Variants in SLC8A1 observed in about 807,000 individuals in gnomAD.
The protein encoded by SLC8A1 is solute carrier family 8 member A1, also known as sodium/calcium exchanger 1.
In SLC8A1, 18 loss-of-function variants were observed where a neutral mutation model predicts 68.3. The ratio of observed to expected loss-of-function variants is 0.26; its 90% CI spans 0.18 to 0.39. SLC8A1 has a LOEUF of 0.39. Ranked by LOEUF, SLC8A1 falls within the 10% of genes least tolerant of loss-of-function variation. The pLI, the probability that SLC8A1 is intolerant of heterozygous loss-of-function variation, is 1.00. For synonymous variants in SLC8A1, 475 were observed against 415.5 expected, an observed-to-expected ratio of 1.14 and a Z score of -1.74; for missense variants, 985 against 1,156.7, an observed-to-expected ratio of 0.85 and a Z score of 2.15.
At chr2:40,384,217 A>G (rs1477882701) in intron 2 of SLC8A1, among the ~76,000 whole-genome samples, 1 of 152,112 alleles carries the variant, frequency 6.6e-6, no homozygotes, top group African/African-American at 2.4e-5. Context: ...AGAATGTGCC[A>G]CTGCACTTTA....
At chr2:40,411,639 C>T (rs1236889321) in intron 2 of SLC8A1, among the ~76,000 whole-genome samples, 6 of 151,574 alleles carry the variant, frequency 4.0e-5, no homozygotes, top group South Asian at 2.1e-4. Flanking sequence ...ACAATAGGGG[C>T]CTCATTAAAT....
intron 2 of SLC8A1, among the ~76,000 whole-genome samples, chr2:40,232,725 T>C (rs1161196963): frequency 8.2e-5 from 9 of 110,186 alleles, no homozygotes; most frequent in Non-Finnish European, 1.7e-4. Context: ...GCATTAGGTA[T>C]ATCTCCCAGT....
intron 2 of SLC8A1, among the ~76,000 whole-genome samples, chr2:40,343,517 G>A (rs1416194881): frequency 6.6e-6 from 1 of 152,168 alleles, no homozygotes; most frequent in Non-Finnish European, 1.5e-5. Flanking sequence ...TCACTTAAAA[G>A]TGCCAACCTA....
intron 2 of SLC8A1, among the ~76,000 whole-genome samples, chr2:40,257,562 A>T (rs2064118393): frequency 6.6e-6 from 1 of 152,132 alleles, no homozygotes; most frequent in African/African-American, 2.4e-5. Context: ...TATATCCAAG[A>T]GCGTATCAGA....
At position 40,334,120 on chromosome 2, in the gene SLC8A1, A is replaced by G. The variant is rs866516730; in HGVS notation, c.1808+94353T>C. Among the ~76,000 whole-genome samples, 8 of 152,218 alleles carry G rather than the reference A, an allele frequency of 5.3e-5. No homozygotes were observed. In the South Asian group the frequency reaches 1.7e-3, roughly 32 times the overall value. On this transcript the variant is annotated intron_variant, in intron 2 of 7. Coordinates refer to ENST00000406785, the Ensembl canonical transcript of SLC8A1. ...TCCATTTTGTTGCAACATCATCAAC[A>G]TATCTATAGAAACATAAGTGTTAGA... is the stretch of plus-strand genomic sequence containing the variant.
chr2:40,132,432 C>T (rs1008146396), intron 7 of SLC8A1, among the ~76,000 whole-genome samples: 3 of 150,890 alleles, frequency 2.0e-5, no homozygotes, highest in Non-Finnish European at 4.4e-5. Context: ...CATATTGTAC[C>T]CTATACAGCT....
Position 40,432,414 on chromosome 2 carries a change from T to G in SLC8A1, c.-24-2110A>C, listed in dbSNP as rs1048163045. Among the ~76,000 whole-genome samples, 3 of 144,510 alleles carry G rather than the reference T, an allele frequency of 2.1e-5. No homozygotes were observed. The South Asian group carries it at 6.9e-4, about 33-fold the overall frequency. The allele number at this position is 144,510 out of a possible 152,430, so 94.8% of individuals were successfully genotyped here. A position where few individuals can be genotyped will look rare whatever the true frequency, so the allele number is the denominator to read the frequency against. ...GAGAGTGTGAGATTGTGTGTGTGTG[T>G]GTGTGTGTGTATGTGTCAGTGTGTA... On this transcript the variant is annotated intron_variant, in intron 1 of 7. Coordinates refer to ENST00000406785, the Ensembl canonical transcript of SLC8A1.
intron 2 of SLC8A1, among the ~76,000 whole-genome samples, chr2:40,268,779 G>A (rs1295273992): frequency 1.3e-5 from 2 of 151,990 alleles, no homozygotes; most frequent in Non-Finnish European, 2.9e-5. Flanking sequence ...AACTAAGAGA[G>A]GTCAGAGAAA....
chr2:40,166,217 C>T (rs1287682791), intron 4 of SLC8A1, among the ~76,000 whole-genome samples: 1 of 152,170 alleles, frequency 6.6e-6, no homozygotes, highest in Non-Finnish European at 1.5e-5. Context: ...TATGGTGGCT[C>T]CATTGTTGCT....
chr2:40,238,482 C>G (rs2060747166), intron 2 of SLC8A1, among the ~76,000 whole-genome samples: 1 of 152,092 alleles, frequency 6.6e-6, no homozygotes, highest in Admixed American at 6.6e-5. Context: ...GTGCGCGCAC[C>G]CACTGACCTG....
chr2:40,124,791 C>T (rs2037704603), intron 7 of SLC8A1, among the ~76,000 whole-genome samples: 1 of 152,220 alleles, frequency 6.6e-6, no homozygotes, highest in South Asian at 2.1e-4. Context: ...CTTCATATAA[C>T]ATGATACTGT....
chr2:40,147,503 T>C (rs1487886218), intron 6 of SLC8A1, among the ~76,000 whole-genome samples: 5 of 152,066 alleles, frequency 3.3e-5, no homozygotes, highest in Admixed American at 3.3e-4. Flanking sequence ...TGTAGATACC[T>C]CCTGCTAGTG....
chr2:40,491,362 T>C (rs1192322634), intron 1 of SLC8A1, among the ~76,000 whole-genome samples: 2 of 152,264 alleles, frequency 1.3e-5, no homozygotes, highest in East Asian at 3.9e-4. Context: ...TGAAGTTGCT[T>C]ATCAGCTTAA....
chr2:40,423,013 A>G (rs1695929868), intron 2 of SLC8A1, among the ~76,000 whole-genome samples: 1 of 152,160 alleles, frequency 6.6e-6, no homozygotes. Flanking sequence ...TAATACCATT[A>G]GTCTTCCAAA....
intron 2 of SLC8A1, among the ~76,000 whole-genome samples, chr2:40,225,531 G>T (rs1196507038): frequency 6.6e-6 from 1 of 152,086 alleles, no homozygotes; most frequent in African/African-American, 2.4e-5. Flanking sequence ...CTAGAGGTGG[G>T]ACGGAGTTAA....
intron 2 of SLC8A1, among the ~76,000 whole-genome samples, chr2:40,354,195 A>C (rs1252279201): frequency 6.6e-6 from 1 of 152,152 alleles, no homozygotes; most frequent in East Asian, 1.9e-4. Context: ...CCAACTTTGC[A>C]ATGAAGTATG....
exon 8 of SLC8A1, chr2:40,099,421 A>G (rs764653913): frequency 6.6e-6 from 1 of 152,098 alleles, no homozygotes; most frequent in Non-Finnish European, 1.5e-5. Flanking sequence ...TTCAAAGTGT[A>G]GTGAAGTTAT....
At chr2:40,254,069 C>T (rs1024577674) in intron 2 of SLC8A1, among the ~76,000 whole-genome samples, 11 of 151,932 alleles carry the variant, frequency 7.2e-5, no homozygotes, top group East Asian at 1.9e-4. Flanking sequence ...TTTGAGATGA[C>T]GGATATTCTA....
chr2:40,327,164 T>C (rs1218414012), intron 2 of SLC8A1, among the ~76,000 whole-genome samples: 4 of 152,108 alleles, frequency 2.6e-5, no homozygotes, highest in Non-Finnish European at 5.9e-5. Context: ...AAACCTATAA[T>C]GCACAAATAA....
Sources: allele counts gnomAD v4.1 joint callset (sites outside exome capture counted in the v4.1 genomes callset), GRCh38; gene constraint gnomAD v4.1.1; transcripts MANE v1.5; gene names NCBI Gene and HGNC (gene_info 2026-07-23, HGNC 2026-07-21).